The following TRPM3 variants were observed in gnomAD, a reference collection of about 807,000 sequenced individuals.
TRPM3 encodes the protein transient receptor potential cation channel subfamily M member 3, also known as long transient receptor potential channel 3.
Under a neutral mutation model 181.2 loss-of-function variants are expected in TRPM3, and 77 were observed. The observed-to-expected ratio is 0.42, with a 90% CI of 0.35 to 0.51. The LOEUF is 0.51. TRPM3 is among the 20% of genes least tolerant of loss of function. TRPM3 has a pLI of 0.01. For synonymous variants in TRPM3, 745 were observed against 796.4 expected (o/e 0.94, Z 1.09); for missense variants, 1,759 against 2,196.7 (o/e 0.80, Z 3.98).
intron 21 of TRPM3, among the ~76,000 whole-genome samples, chr9:70,597,789 C>T (rs2059277449): frequency 6.6e-6 from 1 of 152,198 alleles, no homozygotes; most frequent in South Asian, 2.1e-4. Context: ...GTGTAACAAA[C>T]ACATGATGCA....
At chr9:71,007,039 CAAAAAAAAAAA>C (rs59442017) in intron 1 of TRPM3, among the ~76,000 whole-genome samples, 1 of 27,972 alleles carries the variant, frequency 3.6e-5, no homozygotes, top group Non-Finnish European at 5.9e-5. Flanking sequence ...AACTCCATCT[CAAAAAAAAAAA>C]AAAAAAAAAA....
At position 70,599,900 on chromosome 9, in the gene TRPM3, C is replaced by T. The variant is rs558583327; in HGVS notation, c.2797-1230G>A. Reference sequence around the variant, plus strand: ...TCAATCATCTATTTATTCATCTGTCCATCCATTCTTCTCTCTTTCCTAGAC... The same window carrying T: ...TCAATCATCTATTTATTCATCTGTCTATCCATTCTTCTCTCTTTCCTAGAC... On this transcript the variant is annotated intron_variant, in intron 20 of 25. Coordinates refer to ENST00000677713, the MANE Select transcript of TRPM3 (RefSeq NM_001366145.2). 1.4e-3 allele frequency among the ~76,000 whole-genome samples: 213 copies of T among 152,198 alleles called. 2 individuals are homozygous for T. In the Middle Eastern group the frequency reaches 0.017, roughly 12 times the overall value.
intron 1 of TRPM3, among the ~76,000 whole-genome samples, chr9:70,919,923 T>C (rs2096638209): frequency 6.6e-6 from 1 of 152,224 alleles, no homozygotes; most frequent in Admixed American, 6.5e-5. Context: ...GGGGCCCATC[T>C]GTCCATCAAT....
chr9:70,914,850 A>G (rs57586908), intron 1 of TRPM3, among the ~76,000 whole-genome samples: 2,155 of 152,292 alleles, frequency 0.014, 57 homozygotes, highest in African/African-American at 0.05. Context: ...GACCATCAAG[A>G]CAGTACCTCC....
At chr9:71,339,034 C>G (rs934323446) in intron 1 of TRPM3, among the ~76,000 whole-genome samples, 1 of 151,990 alleles carries the variant, frequency 6.6e-6, no homozygotes, top group Non-Finnish European at 1.5e-5. Flanking sequence ...CAGATATAAA[C>G]TTAGGATGCT....
chr9:70,963,621 G>T (rs2097158732), intron 1 of TRPM3, among the ~76,000 whole-genome samples: 1 of 152,198 alleles, frequency 6.6e-6, no homozygotes, highest in Non-Finnish European at 1.5e-5. Flanking sequence ...CAAGTGTGCT[G>T]TATTTTGACT....
At chr9:70,609,900 C>CTCA (rs2061751598) in intron 19 of TRPM3, among the ~76,000 whole-genome samples, 1 of 147,538 alleles carries the variant, frequency 6.8e-6, no homozygotes, top group Non-Finnish European at 1.5e-5. Context: ...GGGCCAAAAG[C>CTCA]TCATCTTAAA....
chr9:71,395,839 G>C (rs182353253), intron 1 of TRPM3, among the ~76,000 whole-genome samples: 1 of 152,226 alleles, frequency 6.6e-6, no homozygotes, highest in Admixed American at 6.5e-5. Context: ...GAAAGAGATG[G>C]AAATACAGAA....
At chr9:70,839,710 AC>A (rs1329330277) in intron 5 of TRPM3, among the ~76,000 whole-genome samples, 7 of 152,228 alleles carry the variant, frequency 4.6e-5, no homozygotes, top group East Asian at 1.9e-4. Flanking sequence ...TTTATTTTGT[AC>A]CTCTTCAATA....
chr9:71,031,993 AT>A (rs377461969), intron 1 of TRPM3, among the ~76,000 whole-genome samples: 52,121 of 56,302 alleles, frequency 0.93, 24,218 homozygotes, highest in East Asian at 1. Flanking sequence ...TATATTATAT[AT>A]ATATAATTAT....
rs549671329 is a variant in TRPM3, at chr9:70,741,833, A to G, written c.1272+19768T>C. Among the ~76,000 whole-genome samples the G allele has an allele frequency of 1.3e-4, 20 of 152,246 alleles. No homozygotes were observed. In the South Asian group the frequency reaches 2.1e-3, roughly 16 times the overall value. ...TTTGGGTACTTGGGGAAAGGGTGGG[A>G]AGGGGGTGAGGGATAAAAGGCTATA... On this transcript the variant is annotated intron_variant, in intron 8 of 25. Coordinates refer to ENST00000677713, the MANE Select transcript of TRPM3 (RefSeq NM_001366145.2).
At chr9:71,240,699 A>G (rs891178657) in intron 1 of TRPM3, among the ~76,000 whole-genome samples, 2 of 152,106 alleles carry the variant, frequency 1.3e-5, no homozygotes, top group Non-Finnish European at 2.9e-5. Flanking sequence ...ACTTTTATAA[A>G]AATATTTTTA....
At chr9:70,676,295 A>G (rs1422628734) in intron 9 of TRPM3, among the ~76,000 whole-genome samples, 1 of 152,248 alleles carries the variant, frequency 6.6e-6, no homozygotes, top group East Asian at 1.9e-4. Flanking sequence ...ATGAAACTAT[A>G]CAGTCATGTG....
At chr9:70,784,039 T>C (rs2083048648) in intron 7 of TRPM3, 66 bp downstream of exon 7, 3 of 1,536,504 alleles carry the variant, frequency 2.0e-6, no homozygotes, top group Admixed American at 2.0e-5. Context: ...GAAAACATAA[T>C]CCACTCATAC....
rs375806357 is a variant in TRPM3 at position 70,603,243 on chromosome 9, G to A, written c.2796+99C>T. The A allele has an allele frequency of 1.4e-3, 2,019 of 1,423,118 alleles. 29 individuals are homozygous for A. In the South Asian group the frequency reaches 0.018, roughly 12 times the overall value. The allele number at this position is 1,423,118 out of a possible 1,614,324, so 88.2% of individuals were successfully genotyped here. Reference sequence around the variant, plus strand: ...GGTAGAGTTAGAGAAAACAGTTTCCGGCTTAATTTGCATCCCAGGCATCTT... The same window carrying A: ...GGTAGAGTTAGAGAAAACAGTTTCCAGCTTAATTTGCATCCCAGGCATCTT... On this transcript the variant is annotated intron_variant, in intron 20 of 25. Transcript: ENST00000677713.
At chr9:71,406,758 G>A (rs1347879817) in intron 1 of TRPM3, among the ~76,000 whole-genome samples, 1 of 152,096 alleles carries the variant, frequency 6.6e-6, no homozygotes, top group African/African-American at 2.4e-5. Context: ...AGGAGACTCT[G>A]GGGTATTGAG....
chr9:71,066,806 C>A (rs982168441), intron 1 of TRPM3, among the ~76,000 whole-genome samples: 6 of 152,108 alleles, frequency 3.9e-5, no homozygotes, highest in African/African-American at 1.4e-4. Flanking sequence ...ACAGGTTTTC[C>A]CCCTGTCAGT....
intron 1 of TRPM3, among the ~76,000 whole-genome samples, chr9:71,416,506 T>C (rs1477964342): frequency 6.6e-6 from 1 of 151,880 alleles, no homozygotes. Flanking sequence ...ATATAGCTGG[T>C]TTCCTGGATA....
At chr9:71,392,137 A>G (rs919594096) in intron 1 of TRPM3, among the ~76,000 whole-genome samples, 43 of 152,248 alleles carry the variant, frequency 2.8e-4, no homozygotes, top group Middle Eastern at 6.8e-3. Flanking sequence ...AATTAGGCAG[A>G]CTGTGGTGAA....
Sources: allele counts gnomAD v4.1 joint callset (sites outside exome capture counted in the v4.1 genomes callset), GRCh38; gene constraint gnomAD v4.1.1; transcripts MANE v1.5; gene names NCBI Gene and HGNC (gene_info 2026-07-23, HGNC 2026-07-21).